Variants in NRXN1 observed in about 807,000 individuals in gnomAD.
The protein encoded by NRXN1 is neurexin-1.
In NRXN1, 39 loss-of-function variants were observed where a neutral mutation model predicts 150.9. That is an observed-to-expected ratio of 0.26 (90% CI 0.20 to 0.34). The LOEUF is 0.34. NRXN1 is among the 10% of genes least tolerant of loss of function. The pLI is 1.00. For missense variants in NRXN1, 1,815 were observed against 1,949.9 expected (o/e 0.93, Z 1.30); for synonymous variants, 924 against 757.0 (o/e 1.22, Z -3.62).
At chr2:51,017,903 A>G (rs1294100939) in intron 2 of NRXN1, among the ~76,000 whole-genome samples, 2 of 152,110 alleles carry the variant, frequency 1.3e-5, no homozygotes, top group Non-Finnish European at 2.9e-5. Flanking sequence ...AACTATAGTC[A>G]TATGCTGCCA....
intron 18 of NRXN1, among the ~76,000 whole-genome samples, chr2:50,184,416 C>A (rs2060933571): frequency 6.6e-6 from 1 of 151,828 alleles, no homozygotes; most frequent in Non-Finnish European, 1.5e-5. Context: ...AAAAATGTCA[C>A]CTAACATGTA....
At chr2:50,117,397 G>T (rs1479099385) in intron 18 of NRXN1, among the ~76,000 whole-genome samples, 1 of 151,924 alleles carries the variant, frequency 6.6e-6, no homozygotes, top group Non-Finnish European at 1.5e-5. Flanking sequence ...GACCTGAGAG[G>T]GATTTTCCAC....
In NRXN1 at chr2:51,001,239, G is replaced by T. The variant is rs1202510972; in HGVS notation, c.772+26263C>A. On this transcript the variant is annotated intron_variant, in intron 2 of 22. Transcript: ENST00000401669. ...CAATGGTAGATTCATGGGGTTGGGG[G>T]GGGGGGGCGTTTGTCAGGGGAGGAC... 2.0e-3 allele frequency among the ~76,000 whole-genome samples: 245 copies of T among 122,420 alleles called. 2 individuals carry two copies. The highest frequency in any genetic ancestry group is 3.2e-3 in the Non-Finnish European group (188 of 58,768). The allele number at this position is 122,420 out of a possible 152,430, so 80.3% of individuals were successfully genotyped here. A position where few individuals can be genotyped will look rare whatever the true frequency, so the allele number is the denominator to read the frequency against.
intron 18 of NRXN1, among the ~76,000 whole-genome samples, chr2:50,180,191 T>TAA (rs546943097): frequency 6.7e-6 from 1 of 148,886 alleles, no homozygotes; most frequent in African/African-American, 2.5e-5. Context: ...CTGGCTAATT[T>TAA]AAAAAAAAAA....
chr2:50,549,643 A>G (rs1428064679), intron 9 of NRXN1, among the ~76,000 whole-genome samples: 4 of 152,220 alleles, frequency 2.6e-5, no homozygotes, highest in African/African-American at 2.4e-5. Flanking sequence ...ATTAAAGTAG[A>G]TATCATCTAA....
At chr2:50,887,852 T>C (rs1559396794) in intron 5 of NRXN1, among the ~76,000 whole-genome samples, 1 of 151,402 alleles carries the variant, frequency 6.6e-6, no homozygotes, top group Non-Finnish European at 1.5e-5. Context: ...AACCTCAAAT[T>C]GTTTTACTGA....
chr2:50,239,662 G>GTA (rs59505952), intron 17 of NRXN1, among the ~76,000 whole-genome samples: 697 of 47,062 alleles, frequency 0.015, 6 homozygotes, highest in Non-Finnish European at 0.02. Context: ...ACCTATTCCA[G>GTA]TATATATATA....
At chr2:50,096,433 C>A (rs1487140056) in intron 18 of NRXN1, among the ~76,000 whole-genome samples, 1 of 152,110 alleles carries the variant, frequency 6.6e-6, no homozygotes, top group African/African-American at 2.4e-5. Flanking sequence ...CTTGCCAATG[C>A]GTAATTACAA....
intron 3 of NRXN1, 115 bp downstream of exon 3, chr2:50,925,823 C>T (rs1233678475): frequency 3.8e-6 from 3 of 797,336 alleles, no homozygotes; most frequent in Non-Finnish European, 4.2e-6. Context: ...AATCCAGAAA[C>T]CAACAAATGT....
intron 2 of NRXN1, among the ~76,000 whole-genome samples, chr2:50,979,757 G>C (rs1285601031): frequency 1.3e-5 from 2 of 151,988 alleles, no homozygotes; most frequent in Non-Finnish European, 2.9e-5. Flanking sequence ...TGCCATCAGA[G>C]GCTACTCAGT....
chr2:50,986,557 C>T (rs1019498566), intron 2 of NRXN1, among the ~76,000 whole-genome samples: 2 of 151,498 alleles, frequency 1.3e-5, no homozygotes, highest in Non-Finnish European at 3.0e-5. Context: ...TAAACATTAA[C>T]ATAGTGAGAA....
intron 17 of NRXN1, among the ~76,000 whole-genome samples, chr2:50,385,833 C>T (rs1572776452): frequency 2.0e-5 from 3 of 151,754 alleles, no homozygotes; most frequent in East Asian, 1.9e-4. Context: ...AAATAAAAAA[C>T]GTCAACCTTA....
At chr2:50,179,913 T>A (rs2060591836) in intron 18 of NRXN1, among the ~76,000 whole-genome samples, 1 of 152,178 alleles carries the variant, frequency 6.6e-6, no homozygotes, top group Non-Finnish European at 1.5e-5. Flanking sequence ...GGTTTGATTT[T>A]TCATACCACG....
At chr2:50,713,401 C>A (rs1158043306) in intron 5 of NRXN1, among the ~76,000 whole-genome samples, 1 of 151,842 alleles carries the variant, frequency 6.6e-6, no homozygotes, top group Non-Finnish European at 1.5e-5. Context: ...TTACACAGGG[C>A]AAATTTTACC....
At chr2:51,022,947 C>T (rs181780958) in intron 2 of NRXN1, among the ~76,000 whole-genome samples, 108 of 152,226 alleles carry the variant, frequency 7.1e-4, no homozygotes, top group South Asian at 1.5e-3. Context: ...GGTGTATCTG[C>T]AGGAAACCAC....
chr2:50,537,507 T>C (rs761048063), intron 10 of NRXN1, among the ~76,000 whole-genome samples: 1 of 152,208 alleles, frequency 6.6e-6, no homozygotes, highest in African/African-American at 2.4e-5. Context: ...TGAATCCTCA[T>C]TCCTTTTATT....
At chr2:50,962,504 G>A (rs1256840751) in intron 2 of NRXN1, among the ~76,000 whole-genome samples, 1 of 132,602 alleles carries the variant, frequency 7.5e-6, no homozygotes, top group Non-Finnish European at 1.6e-5. Context: ...TATATTCACA[G>A]AGCCAAGTGC....
intron 16 of NRXN1, among the ~76,000 whole-genome samples, chr2:50,466,967 A>G (rs865969495): frequency 2.8e-4 from 43 of 151,776 alleles, no homozygotes; most frequent in African/African-American, 8.9e-4. Flanking sequence ...CCGTAATGCC[A>G]GCCATTCACT....
chr2:50,384,115 A>T (rs1455142131), intron 17 of NRXN1, among the ~76,000 whole-genome samples: 2 of 152,194 alleles, frequency 1.3e-5, no homozygotes, highest in African/African-American at 4.8e-5. Context: ...GTGTATCAGA[A>T]TATGGATTTT....
Sources: allele counts gnomAD v4.1 joint callset (sites outside exome capture counted in the v4.1 genomes callset), GRCh38; gene constraint gnomAD v4.1.1; transcripts MANE v1.5; gene names NCBI Gene and HGNC (gene_info 2026-07-23, HGNC 2026-07-21).